The following TRPS1 variants were observed in gnomAD, a reference collection of about 807,000 sequenced individuals.
TRPS1 encodes the protein transcriptional repressor GATA binding 1, also known as zinc finger transcription factor Trps1.
In TRPS1, 6 loss-of-function variants were observed where a neutral mutation model predicts 101.2. The ratio of observed to expected loss-of-function variants is 0.06; its 90% confidence interval spans 0.03 to 0.12. The LOEUF (loss-of-function observed/expected upper bound fraction) is 0.12, where lower values mean the gene tolerates loss of function less well. Ranked by LOEUF, TRPS1 falls within the 10% of genes least tolerant of loss-of-function variation. The pLI is 1.00. For missense variants in TRPS1, 1,363 were observed against 1,567.0 expected (o/e 0.87, Z 2.20); for synonymous variants, 578 against 589.8 (o/e 0.98, Z 0.29).
At chr8:115,436,999 C>T (rs1563730465) in intron 5 of TRPS1, among the ~76,000 whole-genome samples, 1 of 152,058 alleles carries the variant, frequency 6.6e-6, no homozygotes, top group Non-Finnish European at 1.5e-5. Context: ...TACAAGTTAT[C>T]TGTCCAAAAG....
intron 5 of TRPS1, among the ~76,000 whole-genome samples, chr8:115,452,252 G>A (rs540909148): frequency 3.9e-5 from 6 of 152,260 alleles, no homozygotes; most frequent in Non-Finnish European, 7.4e-5. Context: ...GGAAATACTA[G>A]AGAAGTCGAA....
At chr8:115,450,674 T>C (rs1047093697) in intron 5 of TRPS1, among the ~76,000 whole-genome samples, 1 of 152,082 alleles carries the variant, frequency 6.6e-6, no homozygotes, top group South Asian at 2.1e-4. Context: ...CTGTAACTCA[T>C]GTGACACCCA....
At chr8:115,544,279 G>A (rs1455559706) in intron 5 of TRPS1, among the ~76,000 whole-genome samples, 1 of 151,432 alleles carries the variant, frequency 6.6e-6, no homozygotes, top group African/African-American at 2.4e-5. Context: ...AGGGAAATGG[G>A]AGTTATAGTA....
chr8:115,599,545 A>G (rs970433309), intron 4 of TRPS1, among the ~76,000 whole-genome samples: 10 of 152,048 alleles, frequency 6.6e-5, no homozygotes, highest in Non-Finnish European at 1.0e-4. Flanking sequence ...CACCGTGTCC[A>G]TATGTTCTCA....
intron 4 of TRPS1, among the ~76,000 whole-genome samples, chr8:115,595,502 T>TC (rs1817766079): frequency 1.3e-5 from 2 of 152,018 alleles, no homozygotes; most frequent in South Asian, 4.1e-4. Flanking sequence ...GTTGAAATAA[T>TC]CTGATTAGGA....
intron 1 of TRPS1, among the ~76,000 whole-genome samples, chr8:115,655,713 G>A (rs910176623): frequency 2.6e-5 from 4 of 152,114 alleles, no homozygotes; most frequent in African/African-American, 9.7e-5. Context: ...ATTAGGAAAA[G>A]ATGAAAAGAG....
At chr8:115,536,522 C>CAAAAAA (rs752895683) in intron 5 of TRPS1, among the ~76,000 whole-genome samples, 1,038 of 102,808 alleles carry the variant, frequency 0.01, 32 homozygotes, top group South Asian at 0.038. Flanking sequence ...GACTCCGTCT[C>CAAAAAA]AAAAAAAAAA....
intron 4 of TRPS1, among the ~76,000 whole-genome samples, chr8:115,593,698 C>G (rs1227606885): frequency 1.3e-5 from 2 of 152,184 alleles, no homozygotes; most frequent in Non-Finnish European, 2.9e-5. Context: ...ACTAAATGCA[C>G]TTTCTTTTCA....
intron 5 of TRPS1, among the ~76,000 whole-genome samples, chr8:115,459,073 C>T (rs1814099522): frequency 6.6e-6 from 1 of 152,160 alleles, no homozygotes; most frequent in Non-Finnish European, 1.5e-5. Flanking sequence ...CGTGGTGGCT[C>T]ATGCCTGTAA....
chr8:115,458,017 G>A (rs766297838), intron 5 of TRPS1, among the ~76,000 whole-genome samples: 1 of 152,130 alleles, frequency 6.6e-6, no homozygotes, highest in Non-Finnish European at 1.5e-5. Flanking sequence ...TGACTAAGCA[G>A]GGACAATGAA....
At chr8:115,446,199 T>C (rs1813730298) in intron 5 of TRPS1, among the ~76,000 whole-genome samples, 1 of 152,108 alleles carries the variant, frequency 6.6e-6, no homozygotes, top group Non-Finnish European at 1.5e-5. Flanking sequence ...CAGAAACATT[T>C]AAAACACTCA....
At chr8:115,499,636 T>C (rs542041427) in intron 5 of TRPS1, among the ~76,000 whole-genome samples, 91 of 152,340 alleles carry the variant, frequency 6.0e-4, no homozygotes, top group African/African-American at 2.2e-3. Context: ...AAGCTAGGGA[T>C]TGACTCCTGA....
intron 3 of TRPS1, among the ~76,000 whole-genome samples, chr8:115,605,772 T>TA (rs948347694): frequency 2.6e-5 from 4 of 152,104 alleles, no homozygotes; most frequent in African/African-American, 9.7e-5. Context: ...GTCTGAATGG[T>TA]AAAATAAAAT....
At position 115,535,066 on chromosome 8, in the gene TRPS1, A is replaced by G. The variant is rs920162227; in HGVS notation, c.2700+51935T>C. Among the ~76,000 whole-genome samples, 3 of 148,334 alleles carry G rather than the reference A, an allele frequency of 2.0e-5. No individual in the cohort carries two copies. In the Admixed American group the frequency reaches 2.0e-4, roughly 10 times the overall value. ...TATATATAGCATATGTATAGCATAT[A>G]TATAAGCATATATATAGCATATATA... On this transcript the variant is annotated intron_variant, in intron 5 of 6. Transcript: ENST00000395715.
At chr8:115,547,393 G>T (rs943451570) in intron 5 of TRPS1, among the ~76,000 whole-genome samples, 5 of 151,926 alleles carry the variant, frequency 3.3e-5, no homozygotes, top group Non-Finnish European at 7.4e-5. Flanking sequence ...GAAATAATCT[G>T]ATGAGTCTTT....
chr8:115,415,141 C>T, intron 6 of TRPS1, 57 bp from the exon 7 acceptor site: 1 of 1,516,026 alleles, frequency 6.6e-7, no homozygotes, highest in Non-Finnish European at 8.9e-7. Context: ...CATTAAAATG[C>T]ATTAAAAATT....
intron 1 of TRPS1, among the ~76,000 whole-genome samples, chr8:115,657,160 A>C (rs1337666813): frequency 6.6e-6 from 1 of 152,144 alleles, no homozygotes; most frequent in African/African-American, 2.4e-5. Flanking sequence ...TAAAACTGTC[A>C]GTTTCCTCTG....
At chr8:115,417,316 A>T (rs1812945835) in intron 6 of TRPS1, among the ~76,000 whole-genome samples, 1 of 152,174 alleles carries the variant, frequency 6.6e-6, no homozygotes, top group Admixed American at 6.5e-5. Context: ...TTTACAGTTT[A>T]CTGCCAATTA....
chr8:115,455,595 A>G (rs1813995456), intron 5 of TRPS1, among the ~76,000 whole-genome samples: 1 of 152,196 alleles, frequency 6.6e-6, no homozygotes, highest in Non-Finnish European at 1.5e-5. Context: ...TCACAAATTT[A>G]AACAGGTAAT....
Sources: gnomAD v4.1 joint callset for allele counts (sites outside exome capture counted in the v4.1 genomes callset) on GRCh38, gnomAD v4.1.1 for gene constraint, MANE v1.5 for transcripts, NCBI Gene and HGNC (gene_info 2026-07-23, HGNC 2026-07-21) for gene names.